Variants in GRIN2B observed in about 807,000 individuals in gnomAD.
GRIN2B encodes the protein glutamate ionotropic receptor NMDA type subunit 2B, also known as glutamate receptor ionotropic, NMDA 2B.
A neutral mutation model predicts 114.5 loss-of-function variants in GRIN2B; 5 were observed. The ratio of observed to expected loss-of-function variants is 0.04; its 90% CI spans 0.02 to 0.09. GRIN2B has a LOEUF of 0.09. Ranked by LOEUF, GRIN2B falls within the 10% of genes least tolerant of loss-of-function variation. The pLI, the probability that GRIN2B is intolerant of heterozygous loss-of-function variation, is 1.00. For missense variants in GRIN2B, 1,108 were observed against 1,943.5 expected, an observed-to-expected ratio of 0.57 and a Z score of 8.08; for synonymous variants, 787 against 745.1, an observed-to-expected ratio of 1.06 and a Z score of -0.92.
At chr12:13,896,529 G>A (rs7314376) in intron 2 of GRIN2B, among the ~76,000 whole-genome samples, 43,286 of 152,072 alleles carry the variant, frequency 0.28, 6,540 homozygotes, top group Middle Eastern at 0.34. Context: ...CGCCTGTAAC[G>A]TTTGAAACAT....
At chr12:13,805,920 T>C (rs1273402805) in intron 3 of GRIN2B, among the ~76,000 whole-genome samples, 1 of 152,132 alleles carries the variant, frequency 6.6e-6, no homozygotes, top group African/African-American at 2.4e-5. Context: ...CACCATCCTA[T>C]TGTCTGCTTC....
intron 2 of GRIN2B, among the ~76,000 whole-genome samples, chr12:13,954,235 A>C (rs1421720321): frequency 6.6e-6 from 1 of 152,152 alleles, no homozygotes; most frequent in Non-Finnish European, 1.5e-5. Context: ...GTCTCACCTC[A>C]GCACTAAAAA....
chr12:13,877,793 T>C (rs1591598884), intron 2 of GRIN2B, among the ~76,000 whole-genome samples: 1 of 152,144 alleles, frequency 6.6e-6, no homozygotes, highest in Admixed American at 6.5e-5. Flanking sequence ...CCAGGCGCAG[T>C]GGCTCACACC....
At chr12:13,726,547 A>AATATAT (rs951888324) in intron 4 of GRIN2B, among the ~76,000 whole-genome samples, 1 of 147,598 alleles carries the variant, frequency 6.8e-6, no homozygotes, top group Non-Finnish European at 1.5e-5. Flanking sequence ...AAAAGAAAGA[A>AATATAT]ATATATATAT....
chr12:13,865,223 G>A (rs970907483), intron 3 of GRIN2B, among the ~76,000 whole-genome samples: 1 of 152,178 alleles, frequency 6.6e-6, no homozygotes, highest in African/African-American at 2.4e-5. Flanking sequence ...AGAGCTACAA[G>A]CGTCAACATC....
intron 3 of GRIN2B, among the ~76,000 whole-genome samples, chr12:13,784,624 AG>A (rs1833141471): frequency 6.6e-6 from 1 of 152,160 alleles, no homozygotes; most frequent in African/African-American, 2.4e-5. Context: ...ATGTGATAGA[AG>A]TGTCACTGTG....
chr12:13,758,383 C>A (rs1310328244), intron 3 of GRIN2B, among the ~76,000 whole-genome samples: 1 of 152,100 alleles, frequency 6.6e-6, no homozygotes, highest in South Asian at 2.1e-4. Context: ...AAAGAAATTG[C>A]TTCAAAGAGA....
chr12:13,718,846 A>G (rs1287924782), intron 4 of GRIN2B, among the ~76,000 whole-genome samples: 2 of 152,094 alleles, frequency 1.3e-5, no homozygotes, highest in Non-Finnish European at 2.9e-5. Context: ...GTAGAAACAC[A>G]GAGAAGATAT....
chr12:13,679,090 G>A (rs1241850503), intron 4 of GRIN2B, among the ~76,000 whole-genome samples: 1 of 151,898 alleles, frequency 6.6e-6, no homozygotes, highest in East Asian at 1.9e-4. Flanking sequence ...GGAGAGAGGG[G>A]TAAGGAAGAA....
chr12:13,700,146 T>C (rs374121953), intron 4 of GRIN2B, among the ~76,000 whole-genome samples: 5 of 152,064 alleles, frequency 3.3e-5, no homozygotes, highest in Admixed American at 2.6e-4. Flanking sequence ...CCCTGGGACT[T>C]TTCTTGAGAC....
At chr12:13,755,885 T>C (rs1412245366) in intron 3 of GRIN2B, among the ~76,000 whole-genome samples, 1 of 152,192 alleles carries the variant, frequency 6.6e-6, no homozygotes, top group Admixed American at 6.5e-5. Flanking sequence ...GAGAGCTACC[T>C]TGCTCCTTCC....
chr12:13,861,017 C>T (rs547570941), intron 3 of GRIN2B, among the ~76,000 whole-genome samples: 151 of 152,270 alleles, frequency 9.9e-4, no homozygotes, highest in African/African-American at 3.4e-3. Flanking sequence ...CGGTACTGCC[C>T]TAAAATCTTC....
At chr12:13,645,432 A>C (rs1013972467) in intron 5 of GRIN2B, among the ~76,000 whole-genome samples, 11 of 152,252 alleles carry the variant, frequency 7.2e-5, no homozygotes, top group African/African-American at 2.6e-4. Flanking sequence ...AGATATAATA[A>C]TAATGAAAAA....
At chr12:13,771,447 A>G (rs1193030486) in intron 3 of GRIN2B, among the ~76,000 whole-genome samples, 2 of 152,252 alleles carry the variant, frequency 1.3e-5, no homozygotes, top group African/African-American at 2.4e-5. Flanking sequence ...TAACAAAGCA[A>G]TAATTTCAAA....
At chr12:13,601,933 C>T (rs1012436764) in intron 10 of GRIN2B, among the ~76,000 whole-genome samples, 1 of 152,134 alleles carries the variant, frequency 6.6e-6, no homozygotes, top group Non-Finnish European at 1.5e-5. Context: ...ATAGCAGACC[C>T]ATTCTTAAAT....
Position 13,615,295 on chromosome 12 carries a change from A to G in GRIN2B, c.1501-28T>C. The G allele has an allele frequency of 6.2e-7, 1 of 1,612,328 alleles. No individual in the cohort carries two copies. Among genetic ancestry groups the G allele is most frequent in the African/African-American group, 1.3e-5 (1 of 75,032 alleles). On this transcript the variant is annotated intron_variant, in intron 7 of 13. Coordinates refer to ENST00000609686, the MANE Select transcript of GRIN2B (RefSeq NM_000834.5). The surrounding 1 kb of genome is among the most constrained non-coding windows in gnomAD (Gnocchi z 5.8). Reference sequence around the variant, plus strand: ...AAAAGAAAGGCGCGATGCTCCAATTAAAACATTCAGGAGGGCAAGGGACCA... The same window carrying G: ...AAAAGAAAGGCGCGATGCTCCAATTGAAACATTCAGGAGGGCAAGGGACCA...
intron 3 of GRIN2B, among the ~76,000 whole-genome samples, chr12:13,865,524 C>T (rs920183775): frequency 2.6e-5 from 4 of 151,712 alleles, no homozygotes; most frequent in African/African-American, 7.3e-5. Flanking sequence ...CCCAGCTACT[C>T]GGGAGGCTGA....
At chr12:13,961,512 T>C (rs1867691772) in intron 2 of GRIN2B, among the ~76,000 whole-genome samples, 1 of 152,212 alleles carries the variant, frequency 6.6e-6, no homozygotes, top group Admixed American at 6.5e-5. Context: ...AAAAAGTTAA[T>C]TTAGTGTATA....
chr12:13,957,269 A>G (rs955531089), intron 2 of GRIN2B, among the ~76,000 whole-genome samples: 65 of 152,004 alleles, frequency 4.3e-4, no homozygotes, highest in African/African-American at 1.5e-3. Flanking sequence ...AGTAACTAGT[A>G]TTTTTGATGT....
Sources: allele counts gnomAD v4.1 joint callset (sites outside exome capture counted in the v4.1 genomes callset), GRCh38; gene constraint gnomAD v4.1.1; non-coding constraint Gnocchi (gnomAD v3.1); transcripts MANE v1.5; gene names NCBI Gene and HGNC (gene_info 2026-07-23, HGNC 2026-07-21).